ARFGEF1: variants seen among roughly 807,000 people sequenced by gnomAD.
ARFGEF1 encodes the protein brefeldin A-inhibited guanine nucleotide-exchange protein 1.
In ARFGEF1, 42 loss-of-function variants were observed where a neutral mutation model predicts 231.0. The ratio of observed to expected loss-of-function variants is 0.18; its 90% CI spans 0.14 to 0.24. The LOEUF (loss-of-function observed/expected upper bound fraction) is 0.24. ARFGEF1 is among the 10% of genes least tolerant of loss of function. The probability of loss-of-function intolerance (pLI) is 1.00; values close to 1 mark genes in which losing one functional copy is unlikely to be tolerated. For missense variants in ARFGEF1, 1,345 were observed against 2,192.0 expected, an observed-to-expected ratio of 0.61 and a Z score of 7.72; for synonymous variants, 710 against 732.3, an observed-to-expected ratio of 0.97 and a Z score of 0.49.
intron 1 of ARFGEF1, among the ~76,000 whole-genome samples, chr8:67,308,297 G>A (rs145188334): frequency 9.1e-4 from 139 of 152,290 alleles, no homozygotes; most frequent in African/African-American, 3.2e-3. Context: ...ATTATACAGC[G>A]ATGGACACCT....
chr8:67,284,924 C>T (rs1805687963), intron 7 of ARFGEF1, among the ~76,000 whole-genome samples: 1 of 152,110 alleles, frequency 6.6e-6, no homozygotes, highest in Non-Finnish European at 1.5e-5. Context: ...GAACATCTTT[C>T]TGTTCCAAAC....
intron 29 of ARFGEF1, among the ~76,000 whole-genome samples, chr8:67,222,505 T>G (rs555280106): frequency 6.6e-6 from 1 of 151,762 alleles, no homozygotes; most frequent in Non-Finnish European, 1.5e-5. Flanking sequence ...TGGGCTGGAG[T>G]AGAGTGGCAC....
intron 7 of ARFGEF1, among the ~76,000 whole-genome samples, chr8:67,278,222 TATA>T (rs1462248288): frequency 6.6e-6 from 1 of 152,164 alleles, no homozygotes; most frequent in African/African-American, 2.4e-5. Flanking sequence ...CATGCTGTAC[TATA>T]AGGAACATAG....
rs6990598 is a variant in ARFGEF1, at chr8:67,211,411, A to C, written c.4819+72T>G. On this transcript the variant is annotated intron_variant, in intron 34 of 38. Coordinates refer to ENST00000262215, the MANE Select transcript of ARFGEF1 (RefSeq NM_006421.5). ...TATAGTATATGCTTGTTAATAATAA[A>C]AGTAAAACCAAAAATGTTAACCCTT... 1.2e-4 allele frequency: 153 copies of C among 1,239,800 alleles called. No homozygotes were observed. In the African/African-American group the frequency reaches 2.2e-3, roughly 18 times the overall value. The allele number at this position is 1,239,800 out of a possible 1,614,324, so 76.8% of individuals were successfully genotyped here.
chr8:67,293,407 C>T (rs1356754764), intron 5 of ARFGEF1, among the ~76,000 whole-genome samples: 1 of 151,882 alleles, frequency 6.6e-6, no homozygotes, highest in East Asian at 1.9e-4. Context: ...CAAATCAAAC[C>T]AATAAAACTT....
At position 67,265,972 on chromosome 8, in the gene ARFGEF1, T is replaced by G. The variant is rs748613175; in HGVS notation, c.2123+34A>C. 19 of 1,601,508 alleles carry G rather than the reference T, an allele frequency of 1.2e-5. No individual in the cohort carries two copies. The East Asian group carries it at 4.0e-4, about 34-fold the overall frequency. On this transcript the variant is annotated intron_variant, in intron 14 of 38. Transcript: ENST00000262215. Reference sequence around the variant, plus strand: ...TGGCACTATACTGGCAGAGAGATATTCAATAACATTTCTCCTTAAGCTATG... The same window carrying G: ...TGGCACTATACTGGCAGAGAGATATGCAATAACATTTCTCCTTAAGCTATG...
chr8:67,315,333 A>G (rs1314704549), intron 1 of ARFGEF1, among the ~76,000 whole-genome samples: 3 of 152,238 alleles, frequency 2.0e-5, no homozygotes, highest in African/African-American at 7.2e-5. Context: ...CATCCCTCTT[A>G]CAACAATACA....
chr8:67,337,019 C>T (rs990602906), intron 1 of ARFGEF1, among the ~76,000 whole-genome samples: 1 of 151,378 alleles, frequency 6.6e-6, no homozygotes, highest in Non-Finnish European at 1.5e-5. Context: ...AGATTAGCTA[C>T]TCGAGAGGCT....
intron 1 of ARFGEF1, among the ~76,000 whole-genome samples, chr8:67,302,895 A>G (rs1030864851): frequency 3.7e-5 from 5 of 136,750 alleles, no homozygotes; most frequent in African/African-American, 1.4e-4. Context: ...GGCAACAAAG[A>G]CCCCATCTCT....
Position 67,201,477 on chromosome 8 carries a change from T to A in ARFGEF1, c.5257A>T (p.Arg1753Trp). 6.2e-7 allele frequency: 1 copy of A among 1,606,428 alleles called. No homozygotes were observed. The highest frequency in any genetic ancestry group is 8.5e-7 in the Non-Finnish European group (1 of 1,177,706). ...AGTCAAAAGTCTTACTTCAAAAGCC[T>A]CTGCTGGACCTCCTCCCAGGCACTA... ...RVSAWEEVQQ[R>W]LLNVCSEALS... Residue 1753 changes from arginine to tryptophan, a missense_variant, in exon 37 of 39, where the codon AGG becomes TGG. Physicochemically the swap from Arg to Trp is moderately radical, Grantham distance 101 (BLOSUM62 -3). Around this residue, in one of 14 missense-constraint regions of ARFGEF1, gnomAD observed 161 missense variants for 284.9 expected, o/e 0.57. Coordinates refer to ENST00000262215, the MANE Select transcript of ARFGEF1 (RefSeq NM_006421.5).
chr8:67,238,553 T>C (rs1292604670), intron 21 of ARFGEF1, 60 bp from the exon 22 acceptor site: 1 of 1,515,748 alleles, frequency 6.6e-7, no homozygotes, highest in Non-Finnish European at 8.9e-7. Flanking sequence ...TCAAAAAGAT[T>C]TAAATATATG....
At chr8:67,330,020 T>C (rs1233827073) in intron 1 of ARFGEF1, among the ~76,000 whole-genome samples, 2 of 151,932 alleles carry the variant, frequency 1.3e-5, no homozygotes, top group African/African-American at 4.8e-5. Flanking sequence ...AAAATAAATA[T>C]AATTTTAACT....
In ARFGEF1 at chr8:67,238,348, C is replaced by T. The variant is rs1839832233; in HGVS notation, c.3284G>A (p.Gly1095Glu). The change falls in exon 22 of 39, where the codon GGG becomes GAG. Residue 1095 changes from glycine (G) to glutamate (E), a missense_variant. Gly to Glu is a moderately conservative substitution (Grantham distance 98). Coordinates refer to ENST00000262215, the MANE Select transcript of ARFGEF1 (RefSeq NM_006421.5). ...DQAPDEFVGL[G>E]LVGGNVDWKQ... is the part of the protein sequence containing the mutation. ...TACTTTGTAAAAATTCTCACCTAGC[C>T]CTAAACCCACAAATTCATCAGGAGC... 2 of 1,605,320 alleles carry T rather than the reference C, an allele frequency of 1.2e-6. No individual in the cohort carries two copies. Among genetic ancestry groups the T allele is most frequent in the Non-Finnish European group, 8.5e-7 (1 of 1,177,668 alleles).
At chr8:67,339,674 C>T (rs1463726809) in intron 1 of ARFGEF1, among the ~76,000 whole-genome samples, 1 of 150,736 alleles carries the variant, frequency 6.6e-6, no homozygotes, top group Non-Finnish European at 1.5e-5. Context: ...TAAGCTAGGG[C>T]AGCCTAGACT....
chr8:67,250,461 T>A (rs191829868), intron 19 of ARFGEF1, among the ~76,000 whole-genome samples: 59 of 152,344 alleles, frequency 3.9e-4, no homozygotes, highest in African/African-American at 1.3e-3. Context: ...ATCATCGTGA[T>A]TCTTCATCAA....
intron 1 of ARFGEF1, 59 bp downstream of exon 1, chr8:67,343,105 G>GGGC: frequency 2.1e-6 from 1 of 483,916 alleles, no homozygotes; most frequent in Non-Finnish European, 3.2e-6. Flanking sequence ...CCCCCCACAG[G>GGGC]CGCCCCCCTC....
intron 7 of ARFGEF1, among the ~76,000 whole-genome samples, chr8:67,280,586 G>A (rs1805493112): frequency 6.6e-6 from 1 of 152,190 alleles, no homozygotes; most frequent in Non-Finnish European, 1.5e-5. Context: ...ATCTTCCTCA[G>A]TGTAGAATAT....
Position 67,258,239 on chromosome 8 carries a change from T to C in ARFGEF1, c.2287A>G (p.Met763Val). The C allele has an allele frequency of 6.2e-7, 1 of 1,610,486 alleles. No homozygotes were observed. Among genetic ancestry groups the C allele is most frequent in the Non-Finnish European group, 8.5e-7 (1 of 1,177,004 alleles). ...GDNDKFNKEV[M>V]YAYVDQHDFS... ...TCATGTTGGTCCACATATGCATACA[T>C]GACTTCTTTGTTAAATTTATCATTA... The change falls in exon 16 of 39, where the codon ATG (methionine) becomes GTG (valine). Residue 763 changes from methionine (M) to valine (V), a missense_variant. Transcript: ENST00000262215.
At chr8:67,199,216 C>T (rs1279397914) in intron 38 of ARFGEF1, 118 bp from the exon 39 acceptor site, 2 of 1,195,578 alleles carry the variant, frequency 1.7e-6, no homozygotes, top group African/African-American at 3.2e-5. Flanking sequence ...GGGTCCACAG[C>T]AGGCAGTGAC....
Sources: allele counts gnomAD v4.1 joint callset (sites outside exome capture counted in the v4.1 genomes callset), GRCh38; gene constraint gnomAD v4.1.1; regional missense constraint gnomAD v4.1.1; transcripts MANE v1.5; gene names NCBI Gene and HGNC (gene_info 2026-07-23, HGNC 2026-07-21).